The following DNER variants were observed in gnomAD, a reference collection of about 807,000 sequenced individuals.
DNER encodes the protein delta/notch like EGF repeat containing.
In DNER, 33 loss-of-function variants were observed where a neutral mutation model predicts 78.2. The ratio of observed to expected loss-of-function variants is 0.42; its 90% CI spans 0.32 to 0.56. The LOEUF (loss-of-function observed/expected upper bound fraction) is 0.56, where lower values mean the gene tolerates loss of function less well. DNER is among the 20% of genes least tolerant of loss of function. The probability of loss-of-function intolerance (pLI) is 0.11; values close to 1 mark genes in which losing one functional copy is unlikely to be tolerated. For synonymous variants in DNER, 417 were observed against 384.8 expected (o/e 1.08, Z -0.98); for missense variants, 918 against 975.3 (o/e 0.94, Z 0.78).
intron 1 of DNER, among the ~76,000 whole-genome samples, chr2:229,659,920 A>G (rs1185956543): frequency 6.6e-6 from 1 of 152,148 alleles, no homozygotes; most frequent in Non-Finnish European, 1.5e-5. Flanking sequence ...CTATTATTAT[A>G]TTATGTTAAT....
At chr2:229,654,843 T>C (rs1414454293) in intron 1 of DNER, among the ~76,000 whole-genome samples, 1 of 152,194 alleles carries the variant, frequency 6.6e-6, no homozygotes, top group East Asian at 1.9e-4. Context: ...GATATGCTCA[T>C]TAATGAGCAC....
intron 8 of DNER, among the ~76,000 whole-genome samples, chr2:229,431,614 C>A (rs1299227302): frequency 4.5e-5 from 5 of 111,540 alleles, no homozygotes; most frequent in Admixed American, 1.3e-4. Flanking sequence ...AGGAGTTTAA[C>A]AAAAGAGGAG....
intron 9 of DNER, among the ~76,000 whole-genome samples, chr2:229,409,979 G>A (rs1693473930): frequency 6.6e-6 from 1 of 152,128 alleles, no homozygotes; most frequent in African/African-American, 2.4e-5. Context: ...GTGCCAAGTT[G>A]TATCCACTCA....
chr2:229,470,886 A>G (rs1186163716), intron 7 of DNER, among the ~76,000 whole-genome samples: 1 of 152,158 alleles, frequency 6.6e-6, no homozygotes, highest in East Asian at 1.9e-4. Context: ...TTTTACTCAC[A>G]CTTAATAAAT....
At chr2:229,684,103 T>G in intron 1 of DNER, among the ~76,000 whole-genome samples, 1 of 131,794 alleles carries the variant, frequency 7.6e-6, no homozygotes, top group African/African-American at 3.0e-5. Context: ...CCTACCAGAG[T>G]GTGTGTGTGT....
intron 1 of DNER, among the ~76,000 whole-genome samples, chr2:229,630,572 G>A (rs1162131151): frequency 6.6e-6 from 1 of 151,334 alleles, no homozygotes; most frequent in Non-Finnish European, 1.5e-5. Flanking sequence ...CATGGCACAG[G>A]GATCGCAAGC....
chr2:229,380,703 G>A (rs1374893854), intron 11 of DNER, among the ~76,000 whole-genome samples: 3 of 152,080 alleles, frequency 2.0e-5, no homozygotes, highest in Admixed American at 6.5e-5. Context: ...AAGGCAGGTG[G>A]ATCATGAGGT....
At chr2:229,381,218 C>T (rs554453192) in intron 11 of DNER, among the ~76,000 whole-genome samples, 3 of 152,038 alleles carry the variant, frequency 2.0e-5, no homozygotes, top group South Asian at 2.1e-4. Flanking sequence ...GGGACTGTGT[C>T]GTGAGGAACG....
chr2:229,599,932 G>A (rs1346421764), intron 1 of DNER, among the ~76,000 whole-genome samples: 1 of 152,144 alleles, frequency 6.6e-6, no homozygotes, highest in Non-Finnish European at 1.5e-5. Context: ...AACAGAAAAG[G>A]AAAGAATGAA....
chr2:229,549,229 A>G (rs1349480589), intron 4 of DNER, among the ~76,000 whole-genome samples: 4 of 152,238 alleles, frequency 2.6e-5, no homozygotes, highest in African/African-American at 4.8e-5. Flanking sequence ...TATTTTATTT[A>G]TGTATTAATA....
chr2:229,430,953 C>T (rs1693990482), intron 8 of DNER, among the ~76,000 whole-genome samples: 1 of 151,842 alleles, frequency 6.6e-6, no homozygotes, highest in South Asian at 2.1e-4. Flanking sequence ...AAAGACTAGA[C>T]TTATTAGAGG....
chr2:229,371,195 C>A lies in DNER; in HGVS notation c.1856-4076G>T, dbSNP rs1477110168. ...CTTTACAGGCTAATTGGTTTAGTAG[C>A]TGGGATGGATCTGGCTAAGTCCAAC... is the stretch of plus-strand genomic sequence containing the variant. On this transcript the variant is annotated intron_variant, in intron 11 of 12. Coordinates refer to ENST00000341772, the MANE Select transcript of DNER (RefSeq NM_139072.4). Among the ~76,000 whole-genome samples the A allele has an allele frequency of 2.6e-5, 4 of 152,178 alleles. No individual in the cohort carries two copies. The East Asian group carries it at 7.7e-4, about 29-fold the overall frequency.
chr2:229,615,864 G>A (rs1698151962), intron 1 of DNER, among the ~76,000 whole-genome samples: 1 of 152,160 alleles, frequency 6.6e-6, no homozygotes, highest in South Asian at 2.1e-4. Flanking sequence ...CTAGGATCCA[G>A]CTAAGAGTCT....
At chr2:229,469,244 C>A (rs529825515) in intron 7 of DNER, among the ~76,000 whole-genome samples, 2 of 152,228 alleles carry the variant, frequency 1.3e-5, no homozygotes, top group East Asian at 3.9e-4. Context: ...CAAATAGCTA[C>A]CACTTGAAGT....
At chr2:229,541,570 C>CA (rs1198917187) in intron 5 of DNER, among the ~76,000 whole-genome samples, 3 of 151,756 alleles carry the variant, frequency 2.0e-5, no homozygotes, top group African/African-American at 4.8e-5. Context: ...TACAAAAATT[C>CA]AAAAAAATTG....
At chr2:229,571,992 T>C (rs1207529979) in intron 4 of DNER, among the ~76,000 whole-genome samples, 2 of 152,152 alleles carry the variant, frequency 1.3e-5, no homozygotes, top group Non-Finnish European at 2.9e-5. Flanking sequence ...GCATCACCAC[T>C]GCCTACAAGC....
chr2:229,430,266 C>A (rs1210663858), intron 8 of DNER, among the ~76,000 whole-genome samples: 1 of 152,016 alleles, frequency 6.6e-6, no homozygotes, highest in Non-Finnish European at 1.5e-5. Context: ...GTGATATAAG[C>A]GGGTAATATC....
At chr2:229,587,895 G>T (rs1697531121) in intron 3 of DNER, among the ~76,000 whole-genome samples, 1 of 151,988 alleles carries the variant, frequency 6.6e-6, no homozygotes, top group Non-Finnish European at 1.5e-5. Flanking sequence ...ATTTAAAATA[G>T]CTTGAATTTT....
chr2:229,471,791 T>C (rs1240866717), intron 7 of DNER, among the ~76,000 whole-genome samples: 1 of 152,212 alleles, frequency 6.6e-6, no homozygotes, highest in East Asian at 1.9e-4. Flanking sequence ...AAACGAGTGT[T>C]ACTCTACTTT....
Sources: gnomAD v4.1 joint callset for allele counts (sites outside exome capture counted in the v4.1 genomes callset) on GRCh38, gnomAD v4.1.1 for gene constraint, MANE v1.5 for transcripts, NCBI Gene and HGNC (gene_info 2026-07-23, HGNC 2026-07-21) for gene names.